The following BCAS3 variants were observed in gnomAD, a reference collection of about 807,000 sequenced individuals.
The protein encoded by BCAS3 is BCAS3 microtubule associated cell migration factor.
BCAS3 carries 53 observed loss-of-function variants against 116.1 expected under a neutral mutation model. The ratio of observed to expected loss-of-function variants is 0.46; its 90% CI spans 0.37 to 0.57. The LOEUF is 0.57. BCAS3 is among the 20% of genes least tolerant of loss of function. BCAS3 has a pLI of 0.00. For synonymous variants in BCAS3, 391 were observed against 408.2 expected (o/e 0.96, Z 0.51); for missense variants, 917 against 1,165.4 (o/e 0.79, Z 3.10).
chr17:61,010,550 G>T (rs749928093), intron 15 of BCAS3, among the ~76,000 whole-genome samples: 1 of 151,690 alleles, frequency 6.6e-6, no homozygotes, highest in African/African-American at 2.4e-5. Context: ...GGTTGAACCC[G>T]AAAGTGAATG....
chr17:60,907,740 GC>G (rs1457198068), intron 11 of BCAS3, among the ~76,000 whole-genome samples: 8 of 151,926 alleles, frequency 5.3e-5, no homozygotes, highest in Non-Finnish European at 1.0e-4. Flanking sequence ...TCTCCTTTTG[GC>G]CAGGTTATAC....
At chr17:61,306,224 A>G (rs1225929755) in intron 22 of BCAS3, among the ~76,000 whole-genome samples, 1 of 152,222 alleles carries the variant, frequency 6.6e-6, no homozygotes, top group Non-Finnish European at 1.5e-5. Flanking sequence ...TCTTGGGTAC[A>G]TTCCTTTGAA....
chr17:61,190,450 C>T (rs1409004482), intron 22 of BCAS3, among the ~76,000 whole-genome samples: 1 of 140,562 alleles, frequency 7.1e-6, no homozygotes, highest in African/African-American at 2.6e-5. Context: ...TCGCTTGAAC[C>T]CGGGAGGCAG....
intron 22 of BCAS3, among the ~76,000 whole-genome samples, chr17:61,096,102 A>C (rs979522182): frequency 6.6e-6 from 1 of 152,126 alleles, no homozygotes; most frequent in African/African-American, 2.4e-5. Context: ...GGTTCAAGCG[A>C]TTCTTGTGCC....
At chr17:60,894,992 C>A (rs1471920798) in intron 10 of BCAS3, among the ~76,000 whole-genome samples, 1 of 152,052 alleles carries the variant, frequency 6.6e-6, no homozygotes, top group Non-Finnish European at 1.5e-5. Flanking sequence ...ATTTTGGTGT[C>A]TGTGTTCATC....
intron 5 of BCAS3, among the ~76,000 whole-genome samples, chr17:60,713,461 A>T (rs2038176429): frequency 6.6e-6 from 1 of 152,166 alleles, no homozygotes; most frequent in African/African-American, 2.4e-5. Context: ...TATAGTCTGT[A>T]ATTAATACGA....
chr17:60,922,247 C>T (rs2059141419), intron 12 of BCAS3, among the ~76,000 whole-genome samples: 1 of 152,164 alleles, frequency 6.6e-6, no homozygotes, highest in Admixed American at 6.5e-5. Flanking sequence ...CTGCCTCAGC[C>T]TCCTGAGTAG....
intron 4 of BCAS3, among the ~76,000 whole-genome samples, chr17:60,694,555 C>T (rs1458743008): frequency 6.6e-6 from 1 of 151,708 alleles, no homozygotes; most frequent in African/African-American, 2.4e-5. Context: ...ACTGTGTTGC[C>T]TAGGTGTCGA....
intron 19 of BCAS3, among the ~76,000 whole-genome samples, chr17:61,053,290 G>A (rs1209089673): frequency 6.6e-6 from 1 of 152,090 alleles, no homozygotes; most frequent in Non-Finnish European, 1.5e-5. Context: ...ACTAGAAAGA[G>A]CCAATATTTT....
intron 22 of BCAS3, among the ~76,000 whole-genome samples, chr17:61,247,721 G>C (rs936091193): frequency 1.3e-5 from 2 of 152,144 alleles, no homozygotes; most frequent in Non-Finnish European, 2.9e-5. Context: ...TTTGCAAGTA[G>C]AGAGCAGCAT....
intron 13 of BCAS3, among the ~76,000 whole-genome samples, chr17:60,927,229 T>C (rs9914029): frequency 0.12 from 18,055 of 151,744 alleles, 3,506 homozygotes; most frequent in African/African-American, 0.41. Flanking sequence ...TTATTTATTT[T>C]TTTCTTTCTT....
rs368124165 is a variant in BCAS3, at chr17:61,037,892, A to T, written c.1766A>T (p.Gln589Leu). 1.9e-6 allele frequency: 3 copies of T among 1,612,914 alleles called. No homozygotes were observed. Among genetic ancestry groups the T allele is most frequent in the Non-Finnish European group, 2.5e-6 (3 of 1,179,342 alleles). Residue 589 changes from glutamine (Q) to leucine (L), a missense_variant, in exon 18 of 24, where the codon CAG becomes CTG. Around this residue, in one of 3 missense-constraint regions of BCAS3, gnomAD observed 807 missense variants for 1,026.0 expected, o/e 0.79. Coordinates refer to ENST00000407086, the MANE Select transcript of BCAS3 (RefSeq NM_017679.5). This position sits in a 1 kb window ranked among gnomAD's most constrained non-coding sequence, Gnocchi z 4.7. Reference protein sequence around the residue: ...NNAGLKREKDQSKQVVVESLY... With the variant: ...NNAGLKREKDLSKQVVVESLY... ...GGTTCTGTTTCTCTGTTTGTAGATC[A>T]GTCCAAACAAGTTGTAGTTGAGTCC... is the stretch of plus-strand genomic sequence containing the variant.
intron 19 of BCAS3, among the ~76,000 whole-genome samples, chr17:61,072,897 T>C (rs1229934561): frequency 6.6e-6 from 1 of 152,140 alleles, no homozygotes; most frequent in Non-Finnish European, 1.5e-5. Context: ...GCATAACATA[T>C]TACCTCACCT....
chr17:60,865,030 T>A (rs2054476169), intron 7 of BCAS3, among the ~76,000 whole-genome samples: 1 of 152,092 alleles, frequency 6.6e-6, no homozygotes, highest in Admixed American at 6.6e-5. Context: ...ACGTCAAAGA[T>A]CACTGATCAC....
At chr17:61,074,113 GAAAAAAAAA>G (rs917229045) in intron 19 of BCAS3, among the ~76,000 whole-genome samples, 1 of 61,230 alleles carries the variant, frequency 1.6e-5, no homozygotes, top group East Asian at 5.6e-4. Context: ...TATCTCTTAA[GAAAAAAAAA>G]AAAAAAAAAA....
intron 22 of BCAS3, among the ~76,000 whole-genome samples, chr17:61,237,537 C>A (rs969606098): frequency 6.6e-6 from 1 of 152,224 alleles, no homozygotes; most frequent in Non-Finnish European, 1.5e-5. Context: ...TGGCTGCTCA[C>A]TGTTTGGGTC....
chr17:60,938,517 A>G (rs1035752868), intron 13 of BCAS3, among the ~76,000 whole-genome samples: 1 of 152,216 alleles, frequency 6.6e-6, no homozygotes, highest in African/African-American at 2.4e-5. Context: ...TAAATGGATA[A>G]TAGGCTTAGC....
chr17:60,702,238 C>T (rs1018880439), intron 4 of BCAS3, among the ~76,000 whole-genome samples: 4 of 152,146 alleles, frequency 2.6e-5, no homozygotes, highest in Admixed American at 6.5e-5. Context: ...GACCTCCTGC[C>T]GCTGTTGCAG....
intron 5 of BCAS3, among the ~76,000 whole-genome samples, chr17:60,736,545 A>G (rs867496919): frequency 1.1e-4 from 16 of 152,130 alleles, no homozygotes; most frequent in Admixed American, 4.6e-4. Flanking sequence ...ATGATTTAGG[A>G]AGCATTCTAT....
Sources: gnomAD v4.1 joint callset for allele counts (sites outside exome capture counted in the v4.1 genomes callset) on GRCh38, gnomAD v4.1.1 for gene constraint, gnomAD v4.1.1 regional missense constraint, Gnocchi (gnomAD v3.1) non-coding constraint, MANE v1.5 for transcripts, NCBI Gene and HGNC (gene_info 2026-07-23, HGNC 2026-07-21) for gene names.